KCNH7: variants seen among roughly 807,000 people sequenced by gnomAD.
KCNH7 encodes the protein voltage-gated inwardly rectifying potassium channel KCNH7.
In KCNH7, 49 loss-of-function variants were observed where a neutral mutation model predicts 120.8. The ratio of observed to expected loss-of-function variants is 0.41; its 90% CI spans 0.32 to 0.51. The LOEUF (loss-of-function observed/expected upper bound fraction) is 0.51. KCNH7 is among the 20% of genes least tolerant of loss of function. KCNH7 has a pLI of 0.38. For missense variants in KCNH7, 1,097 were observed against 1,446.6 expected, an observed-to-expected ratio of 0.76 and a Z score of 3.92; for synonymous variants, 547 against 516.1, an observed-to-expected ratio of 1.06 and a Z score of -0.81.
In KCNH7 at chr2:162,400,455, G is replaced by C. The variant is rs1687036228; in HGVS notation, c.2155-14C>G. 3.1e-6 allele frequency: 5 copies of C among 1,610,340 alleles called. No individual in the cohort carries two copies. Among genetic ancestry groups the C allele is most frequent in the Non-Finnish European group, 3.4e-6 (4 of 1,177,790 alleles). ...ACCCTTTAGGACCTGAGGAAAAAAA[G>C]AAAGAGTTTCATACTACCAGTGTTC... is the stretch of plus-strand genomic sequence containing the variant. On this transcript the variant is annotated splice_polypyrimidine_tract_variant and intron_variant, in intron 9 of 15. Transcript: ENST00000332142.
intron 2 of KCNH7, among the ~76,000 whole-genome samples, chr2:162,816,112 C>G (rs1229480400): frequency 1.3e-5 from 2 of 151,872 alleles, no homozygotes; most frequent in African/African-American, 4.8e-5. Context: ...CCAAAATTAG[C>G]CGGTTGTGGT....
At chr2:162,744,601 C>G (rs1688249358) in intron 2 of KCNH7, among the ~76,000 whole-genome samples, 2 of 133,884 alleles carry the variant, frequency 1.5e-5, no homozygotes, top group African/African-American at 5.7e-5. Flanking sequence ...GATACGGAGT[C>G]TCGCTCTGTC....
At chr2:162,646,603 G>A (rs553281322) in intron 2 of KCNH7, among the ~76,000 whole-genome samples, 25 of 152,280 alleles carry the variant, frequency 1.6e-4, no homozygotes, top group Non-Finnish European at 3.2e-4. Flanking sequence ...TCCTCTAATT[G>A]GTGGCTGCAA....
intron 9 of KCNH7, among the ~76,000 whole-genome samples, chr2:162,416,243 G>A (rs899993674): frequency 7.2e-5 from 11 of 151,810 alleles, no homozygotes; most frequent in African/African-American, 1.2e-4. Context: ...CATCATGGTG[G>A]GCGCCTGTAG....
intron 2 of KCNH7, among the ~76,000 whole-genome samples, chr2:162,722,514 T>C (rs1186459530): frequency 1.3e-5 from 2 of 152,132 alleles, no homozygotes; most frequent in Non-Finnish European, 2.9e-5. Context: ...GTCATTTTTC[T>C]CTTGGAGTTT....
chr2:162,837,649 G>A (rs550347628), intron 1 of KCNH7, among the ~76,000 whole-genome samples: 20 of 152,198 alleles, frequency 1.3e-4, no homozygotes, highest in African/African-American at 4.1e-4. Context: ...AGAAAAGACC[G>A]AAGATAAGTT....
At chr2:162,407,584 T>C (rs1011752186) in intron 9 of KCNH7, among the ~76,000 whole-genome samples, 1 of 152,078 alleles carries the variant, frequency 6.6e-6, no homozygotes, top group South Asian at 2.1e-4. Flanking sequence ...AAAGGGTGTC[T>C]CTGGATTTCT....
intron 6 of KCNH7, among the ~76,000 whole-genome samples, chr2:162,466,149 C>A (rs1273864076): frequency 6.6e-6 from 1 of 152,078 alleles, no homozygotes. Context: ...GCTATGCTAG[C>A]TAGAGTCTAA....
chr2:162,526,484 C>T (rs1048723971), intron 3 of KCNH7, among the ~76,000 whole-genome samples: 2 of 151,734 alleles, frequency 1.3e-5, no homozygotes, highest in African/African-American at 2.4e-5. Flanking sequence ...TAAAAGACGC[C>T]GCCCCCCCGA....
At chr2:162,469,928 C>T (rs1225442830) in intron 6 of KCNH7, among the ~76,000 whole-genome samples, 1 of 152,230 alleles carries the variant, frequency 6.6e-6, no homozygotes, top group Non-Finnish European at 1.5e-5. Context: ...GGGCTGGTCT[C>T]CAGCTCCTGA....
At chr2:162,798,326 T>C (rs1210568009) in intron 2 of KCNH7, among the ~76,000 whole-genome samples, 1 of 152,060 alleles carries the variant, frequency 6.6e-6, no homozygotes, top group East Asian at 1.9e-4. Flanking sequence ...GCTAATACTT[T>C]TGAAAAAAAT....
intron 6 of KCNH7, among the ~76,000 whole-genome samples, chr2:162,497,563 T>G (rs180798110): frequency 2.6e-3 from 397 of 152,164 alleles, no homozygotes; most frequent in African/African-American, 9.1e-3. Flanking sequence ...CCTGAGGAGA[T>G]TTAGGGGACA....
intron 6 of KCNH7, among the ~76,000 whole-genome samples, chr2:162,449,922 C>G (rs908910875): frequency 4.6e-5 from 7 of 152,060 alleles, no homozygotes; most frequent in Non-Finnish European, 1.5e-5. Context: ...TTCAAACTCT[C>G]ATTACTAACT....
At chr2:162,611,776 C>G (rs1682975262) in intron 2 of KCNH7, among the ~76,000 whole-genome samples, 1 of 152,180 alleles carries the variant, frequency 6.6e-6, no homozygotes, top group Non-Finnish European at 1.5e-5. Context: ...CCCATTTTCT[C>G]CCCTGAGACA....
chr2:162,754,357 C>T (rs1432883664), intron 2 of KCNH7, among the ~76,000 whole-genome samples: 2 of 152,002 alleles, frequency 1.3e-5, no homozygotes, highest in African/African-American at 2.4e-5. Context: ...TTGGCAATTA[C>T]TTTTATAACA....
Position 162,504,500 on chromosome 2 carries a change from G to A in KCNH7, c.1071C>T (p.Thr357=). 2 of 1,613,020 alleles carry A rather than the reference G, an allele frequency of 1.2e-6. No individual in the cohort carries two copies. Among genetic ancestry groups the A allele is most frequent in the Non-Finnish European group, 1.7e-6 (2 of 1,179,334 alleles). ...GATCTTTAACCTTGGGTGCAATAATGGTTTTATCTGAAGAAGGAGGTGATG... is the reference window on the plus strand; with the variant it reads ...GATCTTTAACCTTGGGTGCAATAATAGTTTTATCTGAAGAAGGAGGTGATG... ...KNSSPPSSDK[T]IIAPKVKDRT... is the part of the protein sequence containing the mutation. The change falls in exon 6 of 16, where the codon ACC becomes ACT. Residue 357 remains threonine (T), a synonymous_variant. Transcript: ENST00000332142.
chr2:162,422,290 C>G (rs1056350711), intron 9 of KCNH7, among the ~76,000 whole-genome samples: 2 of 151,964 alleles, frequency 1.3e-5, no homozygotes, highest in Non-Finnish European at 2.9e-5. Flanking sequence ...AATTTTGAAC[C>G]CTTCTTTCTC....
At chr2:162,508,955 T>C (rs907295623) in intron 5 of KCNH7, among the ~76,000 whole-genome samples, 4 of 151,590 alleles carry the variant, frequency 2.6e-5, no homozygotes, top group Admixed American at 2.6e-4. Flanking sequence ...AGAGGTGGAC[T>C]TGATGTTCTT....
chr2:162,455,077 T>A (rs1025237939), intron 6 of KCNH7, among the ~76,000 whole-genome samples: 4 of 152,182 alleles, frequency 2.6e-5, no homozygotes, highest in African/African-American at 9.6e-5. Context: ...TATGGGTTTG[T>A]CATAAATAGC....
Sources: allele counts gnomAD v4.1 joint callset (sites outside exome capture counted in the v4.1 genomes callset), GRCh38; gene constraint gnomAD v4.1.1; transcripts MANE v1.5; gene names NCBI Gene and HGNC (gene_info 2026-07-23, HGNC 2026-07-21).